ADPRM: variants seen among roughly 807,000 people sequenced by gnomAD.
The protein encoded by ADPRM is ADP-ribose/CDP-alcohol diphosphatase, manganese dependent, also known as manganese-dependent ADP-ribose/CDP-alcohol diphosphatase.
ADPRM carries 17 observed loss-of-function variants against 27.2 expected under a neutral mutation model. The ratio of observed to expected loss-of-function variants is 0.63; its 90% confidence interval spans 0.43 to 0.94. ADPRM has a LOEUF of 0.94. Ranked by LOEUF, ADPRM falls within the 40% of genes least tolerant of loss-of-function variation. ADPRM has a pLI of 0.00. For missense variants in ADPRM, 337 were observed against 412.8 expected, an observed-to-expected ratio of 0.82 and a Z score of 1.59; for synonymous variants, 135 against 145.3, an observed-to-expected ratio of 0.93 and a Z score of 0.51.
rs566765231 is a variant in ADPRM at position 10,704,042 on chromosome 17, T to G, written c.-17-868T>G. ...TCAAGTTAAAAAGAAAAAAAAATCC[T>G]GGTTCAAATTAGGATCCAGGGCTGG... On this transcript the variant is annotated intron_variant, in intron 1 of 3. Coordinates refer to ENST00000379774, the MANE Select transcript of ADPRM (RefSeq NM_020233.5). 1.2e-4 allele frequency among the ~76,000 whole-genome samples: 19 copies of G among 152,216 alleles called. No homozygotes were observed. In the South Asian group the frequency reaches 3.9e-3, roughly 32 times the overall value.
At chr17:10,698,159 A>AT (rs1178507712) in intron 1 of ADPRM, 2 of 152,522 alleles carry the variant, frequency 1.3e-5, no homozygotes, top group Non-Finnish European at 2.9e-5. Context: ...ATGTAACCTA[A>AT]TTAATAAAGC....
In ADPRM at chr17:10,711,380, G is replaced by A; in HGVS notation, c.*236G>A. 2.1e-6 allele frequency: 1 copy of A among 473,168 alleles called. No individual in the cohort carries two copies. The highest frequency in any genetic ancestry group is 2.9e-5 in the South Asian group (1 of 34,032). The allele number at this position is 473,168 out of a possible 1,614,324, so 29.3% of individuals were successfully genotyped here. A position where few individuals can be genotyped will look rare whatever the true frequency, so the allele number is the denominator to read the frequency against. Reference sequence around the variant, plus strand: ...AGGCAGGGGTGTATAGTCCTCATAAGGGGCATATAGTCCTCATGAGGGATC... The same window carrying A: ...AGGCAGGGGTGTATAGTCCTCATAAAGGGCATATAGTCCTCATGAGGGATC... On this transcript the variant is annotated 3_prime_UTR_variant, in exon 4 of 4. Transcript: ENST00000379774.
In ADPRM at chr17:10,702,251, G is replaced by A. The variant is rs1284038987; in HGVS notation, c.-17-2659G>A. 6.6e-6 allele frequency among the ~76,000 whole-genome samples: 1 copy of A among 152,114 alleles called. No homozygotes were observed. The highest frequency in any genetic ancestry group is 2.4e-5 in the African/African-American group (1 of 41,420). ...CTCTCTTTTTACCCCAGAACACATCGCTGTTTTGAAGTGTGTGCCCCTTGG... is the reference window on the plus strand; with the variant it reads ...CTCTCTTTTTACCCCAGAACACATCACTGTTTTGAAGTGTGTGCCCCTTGG... On this transcript the variant is annotated intron_variant, in intron 1 of 3. Transcript: ENST00000379774. This position sits in a 1 kb window ranked among gnomAD's most constrained non-coding sequence, Gnocchi z 4.2.
chr17:10,711,323 T>G lies in ADPRM; in HGVS notation c.*179T>G. On this transcript the variant is annotated 3_prime_UTR_variant, in exon 4 of 4. Coordinates refer to ENST00000379774, the MANE Select transcript of ADPRM (RefSeq NM_020233.5). ...ATGTTATTTTGGATCATGTATCCAT[T>G]GTAAGTTAGAAACAAACCAGGGAGG... 1 of 625,266 alleles carries G rather than the reference T, an allele frequency of 1.6e-6. No homozygotes were observed. The highest frequency in any genetic ancestry group is 2.7e-6 in the Non-Finnish European group (1 of 370,362). 38.7% of individuals were successfully genotyped at this position (625,266 alleles called of 1,614,324 possible). A position where few individuals can be genotyped will look rare whatever the true frequency, so the allele number is the denominator to read the frequency against.
rs933258992 is a variant in ADPRM at position 10,697,624 on chromosome 17, A to G, written c.-61A>G. On this transcript the variant is annotated 5_prime_UTR_variant, in exon 1 of 4. Transcript: ENST00000379774. ...TCCCGCTCGTTGGTGGCGCTGTTACATAGCCCGTAGTCAGAGGCCTTTCAG... is the reference window on the plus strand; with the variant it reads ...TCCCGCTCGTTGGTGGCGCTGTTACGTAGCCCGTAGTCAGAGGCCTTTCAG... 124 of 1,311,414 alleles carry G rather than the reference A, an allele frequency of 9.5e-5. No homozygotes were observed. The highest frequency in any genetic ancestry group is 1.9e-4 in the Middle Eastern group (1 of 5,338). 81.2% of individuals were successfully genotyped at this position (1,311,414 alleles called of 1,614,324 possible).
chr17:10,698,623 G>T lies in ADPRM; in HGVS notation c.-18+956G>T, dbSNP rs3809732. Among the ~76,000 whole-genome samples, 1,686 of 152,192 alleles carry T rather than the reference G, an allele frequency of 0.011. 61 individuals carry two copies. In the East Asian group the frequency reaches 0.13, roughly 12 times the overall value. On this transcript the variant is annotated intron_variant, in intron 1 of 3. Transcript: ENST00000379774. ...TGATTGTTGGACCAGAGCATGGTTG[G>T]TTTGCTTGTTTTCTATGAGTTAGCC...
intron 1 of ADPRM, among the ~76,000 whole-genome samples, chr17:10,703,813 T>C (rs955866729): frequency 2.6e-5 from 4 of 152,196 alleles, no homozygotes; most frequent in Non-Finnish European, 5.9e-5. Context: ...TCGTTGACAA[T>C]TTAGAATCTT....
At chr17:10,697,830 G>T in intron 1 of ADPRM, 163 bp downstream of exon 1, 1 of 372,340 alleles carries the variant, frequency 2.7e-6, no homozygotes, top group Non-Finnish European at 4.9e-6. Flanking sequence ...CGCTTTGGTC[G>T]TGGGCTTCGG....
rs533836649 is a variant in ADPRM at position 10,701,531 on chromosome 17, A to G, written c.-17-3379A>G. Among the ~76,000 whole-genome samples, 434 of 152,184 alleles carry G rather than the reference A, an allele frequency of 2.9e-3. 1 individual carries two copies. Among genetic ancestry groups the G allele is most frequent in the African/African-American group, 7.5e-3 (311 of 41,518 alleles). ...TTTTTAGTAGAGATGGGGTTTCACCATGTTAGCCAGGATGGTCTCGATCTC... is the reference window on the plus strand; with the variant it reads ...TTTTTAGTAGAGATGGGGTTTCACCGTGTTAGCCAGGATGGTCTCGATCTC... On this transcript the variant is annotated intron_variant, in intron 1 of 3. Transcript: ENST00000379774.
chr17:10,703,991 G>A (rs2074796084), intron 1 of ADPRM, among the ~76,000 whole-genome samples: 1 of 152,056 alleles, frequency 6.6e-6, no homozygotes. Flanking sequence ...CATATTTTTG[G>A]TTTTGATTGT....
chr17:10,706,184 G>T (rs926345187), intron 2 of ADPRM, among the ~76,000 whole-genome samples: 5 of 152,320 alleles, frequency 3.3e-5, no homozygotes, highest in African/African-American at 1.2e-4. Context: ...TGTAGCGGCT[G>T]AGTGGACTTA....
At chr17:10,704,188 A>C (rs2074797489) in intron 1 of ADPRM, among the ~76,000 whole-genome samples, 1 of 149,910 alleles carries the variant, frequency 6.7e-6, no homozygotes, top group African/African-American at 2.5e-5. Flanking sequence ...AAACAAAAAC[A>C]AAAACCACAA....
intron 3 of ADPRM, among the ~76,000 whole-genome samples, chr17:10,708,449 A>AC (rs1469077700): frequency 2.0e-5 from 3 of 151,182 alleles, no homozygotes; most frequent in Non-Finnish European, 4.4e-5. Flanking sequence ...AAAAAAAAAA[A>AC]ACCTTTGAAA....
intron 3 of ADPRM, among the ~76,000 whole-genome samples, chr17:10,706,868 AATC>A (rs2074815854): frequency 6.6e-6 from 1 of 152,160 alleles, no homozygotes; most frequent in African/African-American, 2.4e-5. Context: ...TTATTATTGA[AATC>A]ATTGTAGATT....
chr17:10,704,931 A>G lies in ADPRM; in HGVS notation c.5A>G (p.Asp2Gly), dbSNP rs2074803566. The change falls in exon 2 of 4, where the codon GAT becomes GGT. Residue 2 changes from aspartate to glycine, a missense_variant. Coordinates refer to ENST00000379774, the MANE Select transcript of ADPRM (RefSeq NM_020233.5). Reference sequence around the variant, plus strand: ...TTAGAAACCTGTTTGGAGGTTATGGATGATAAACCCAATCCTGAAGCCCTA... The same window carrying G: ...TTAGAAACCTGTTTGGAGGTTATGGGTGATAAACCCAATCCTGAAGCCCTA... M[D>G]DKPNPEALSD... 6.3e-7 allele frequency: 1 copy of G among 1,586,208 alleles called. No individual in the cohort carries two copies. Among genetic ancestry groups the G allele is most frequent in the Non-Finnish European group, 8.6e-7 (1 of 1,169,092 alleles).
intron 3 of ADPRM, among the ~76,000 whole-genome samples, chr17:10,707,727 T>G (rs2151464137): frequency 6.6e-6 from 1 of 152,320 alleles, no homozygotes; most frequent in African/African-American, 2.4e-5. Flanking sequence ...TGCTACAGGC[T>G]CGGCTGGCAC....
intron 3 of ADPRM, among the ~76,000 whole-genome samples, chr17:10,708,411 A>G (rs2074828279): frequency 6.8e-6 from 1 of 147,164 alleles, no homozygotes; most frequent in South Asian, 2.2e-4. Context: ...CCTGGGCAAC[A>G]AGAGTGAAAC....
intron 3 of ADPRM, among the ~76,000 whole-genome samples, chr17:10,707,575 A>G (rs963636296): frequency 1.3e-5 from 2 of 152,166 alleles, no homozygotes; most frequent in African/African-American, 4.8e-5. Context: ...CATAAACTCT[A>G]ATGAAGTAAT....
At chr17:10,699,011 T>A (rs908684280) in intron 1 of ADPRM, 3 of 152,226 alleles carry the variant, frequency 2.0e-5, no homozygotes, top group African/African-American at 7.2e-5. Flanking sequence ...AAGTCAGTGT[T>A]TCTACCTGAT....
Sources: gnomAD v4.1 joint callset for allele counts (sites outside exome capture counted in the v4.1 genomes callset) on GRCh38, gnomAD v4.1.1 for gene constraint, Gnocchi (gnomAD v3.1) non-coding constraint, MANE v1.5 for transcripts, NCBI Gene and HGNC (gene_info 2026-07-23, HGNC 2026-07-21) for gene names.